The following QDPR variants were observed in gnomAD, a reference collection of about 807,000 sequenced individuals.
The protein encoded by QDPR is dihydropteridine reductase.
In QDPR, 23 loss-of-function variants were observed where a neutral mutation model predicts 31.7. That is an observed-to-expected ratio of 0.73 (90% confidence interval 0.52 to 1.03). QDPR has a LOEUF of 1.03. QDPR is among the 50% of genes least tolerant of loss of function. The pLI is 0.00. For synonymous variants in QDPR, 124 were observed against 124.7 expected, an observed-to-expected ratio of 0.99 and a Z score of 0.03; for missense variants, 324 against 323.8, an observed-to-expected ratio of 1.00 and a Z score of 0.00.
chr4:17,500,567 A>G, intron 4 of QDPR, among the ~76,000 whole-genome samples: 1 of 152,200 alleles, frequency 6.6e-6, no homozygotes, highest in East Asian at 1.9e-4. Context: ...CACAGAGGGA[A>G]GACCACATGC....
intron 3 of QDPR, among the ~76,000 whole-genome samples, chr4:17,502,617 T>A (rs1486198862): frequency 2.0e-5 from 3 of 152,240 alleles, no homozygotes; most frequent in African/African-American, 7.2e-5. Flanking sequence ...TCAAGCTGTT[T>A]TGCTAACCTG....
Position 17,509,309 on chromosome 4 carries a change from C to T in QDPR, c.160G>A (p.Val54Ile). ...TCAGTGAACGAGTCTGTCATTTTAACAATGATGCTAGCGCTGGCCTCTTCA... is the reference window on the plus strand; with the variant it reads ...TCAGTGAACGAGTCTGTCATTTTAATAATGATGCTAGCGCTGGCCTCTTCA... ...ENEEASASII[V>I]KMTDSFTEQA... Residue 54 changes from valine (V) to isoleucine (I), a missense_variant, in exon 2 of 7, where the codon GTT becomes ATT. Val to Ile is a conservative substitution (Grantham distance 29). Coordinates refer to ENST00000281243, the MANE Select transcript of QDPR (RefSeq NM_000320.3). 6.2e-7 allele frequency: 1 copy of T among 1,614,108 alleles called. No individual in the cohort carries two copies. The highest frequency in any genetic ancestry group is 1.1e-5 in the South Asian group (1 of 91,088).
intron 1 of QDPR, among the ~76,000 whole-genome samples, chr4:17,511,149 T>G (rs531404436): frequency 6.6e-6 from 1 of 152,316 alleles, no homozygotes; most frequent in Non-Finnish European, 1.5e-5. Flanking sequence ...GCTGTGCTGC[T>G]GCTGCTAACT....
chr4:17,506,063 C>A (rs991014617), intron 2 of QDPR, among the ~76,000 whole-genome samples: 2 of 152,184 alleles, frequency 1.3e-5, no homozygotes, highest in Non-Finnish European at 2.9e-5. Context: ...GAGACCCGCA[C>A]CTGGCAGGGC....
chr4:17,488,985 T>C (rs1718065959), intron 6 of QDPR, among the ~76,000 whole-genome samples: 1 of 152,210 alleles, frequency 6.6e-6, no homozygotes, highest in Non-Finnish European at 1.5e-5. Context: ...TGGTTACACA[T>C]GTTTTTTTGT....
At chr4:17,488,907 G>A (rs756136460) in intron 6 of QDPR, among the ~76,000 whole-genome samples, 9 of 152,228 alleles carry the variant, frequency 5.9e-5, no homozygotes, top group Non-Finnish European at 1.2e-4. Context: ...CTGGGGACAG[G>A]GTAGGGCTTG....
At chr4:17,509,085 G>T (rs1718900417) in intron 2 of QDPR, among the ~76,000 whole-genome samples, 186 bp downstream of exon 2, 1 of 152,134 alleles carries the variant, frequency 6.6e-6, no homozygotes, top group Non-Finnish European at 1.5e-5. Flanking sequence ...TTCAACCCAG[G>T]AGGCAAAGGT....
At chr4:17,511,051 C>A (rs1286953854) in intron 1 of QDPR, among the ~76,000 whole-genome samples, 1 of 152,100 alleles carries the variant, frequency 6.6e-6, no homozygotes, top group Non-Finnish European at 1.5e-5. Context: ...GTACTTTTGC[C>A]CCCTTCATCT....
intron 6 of QDPR, among the ~76,000 whole-genome samples, chr4:17,489,036 C>T (rs1718067501): frequency 2.6e-5 from 4 of 152,280 alleles, no homozygotes; most frequent in Admixed American, 2.0e-4. Context: ...GCTACATGTG[C>T]ACAGCGTGCA....
rs747311750 is a variant in QDPR, at chr4:17,496,442, CAAAAAAAAA to C, written c.437-4111_437-4103del. Among the ~76,000 whole-genome samples, 321 of 64,614 alleles carry C rather than the reference CAAAAAAAAA, an allele frequency of 5.0e-3. 3 individuals carry two copies. Among genetic ancestry groups the C allele is most frequent in the African/African-American group, 0.017 (301 of 17,768 alleles). 42.4% of individuals were successfully genotyped at this position (64,614 alleles called of 152,430 possible). ...CTGGGCAATAAGGGCAAAACTGTCT[CAAAAAAAAA>C]AAAAAAAAAAAAAAAAAAAAAGAAC... is the stretch of plus-strand genomic sequence containing the variant. On this transcript the variant is annotated intron_variant, in intron 4 of 6. Transcript: ENST00000281243.
chr4:17,496,034 T>A (rs1347017226), intron 4 of QDPR, among the ~76,000 whole-genome samples: 2 of 151,086 alleles, frequency 1.3e-5, no homozygotes, highest in African/African-American at 2.4e-5. Context: ...AATAAATAAA[T>A]AAATAAATAA....
At chr4:17,501,653 G>C in intron 4 of QDPR, 66 bp downstream of exon 4, 3 of 1,587,714 alleles carry the variant, frequency 1.9e-6, no homozygotes, top group Non-Finnish European at 2.6e-6. Flanking sequence ...TCCCATGAAA[G>C]TGCCCAGCAG....
rs762008099 is a variant in QDPR, at chr4:17,512,066, C to T, written c.-12G>A. On this transcript the variant is annotated 5_prime_UTR_variant, in exon 1 of 7. Coordinates refer to ENST00000281243, the MANE Select transcript of QDPR (RefSeq NM_000320.3). ...GCCGCCGCCGCCATCCTGCTCCTGC[C>T]AGCCCGGCTCCCGCAGCTCCGAATG... 8.8e-6 allele frequency: 14 copies of T among 1,581,994 alleles called. No individual in the cohort carries two copies. Among genetic ancestry groups the T allele is most frequent in the Middle Eastern group, 1.8e-4 (1 of 5,626 alleles).
intron 3 of QDPR, 34 bp downstream of exon 3, chr4:17,504,345 G>A (rs761053773): frequency 3.9e-5 from 61 of 1,572,898 alleles, no homozygotes; most frequent in Non-Finnish European, 5.1e-5. Context: ...AAAGAGCAGA[G>A]CAGAACAAAT....
intron 4 of QDPR, among the ~76,000 whole-genome samples, chr4:17,494,614 G>GT (rs1264993838): frequency 2.0e-5 from 3 of 151,870 alleles, no homozygotes; most frequent in Non-Finnish European, 4.4e-5. Flanking sequence ...TCCATTGATT[G>GT]TTTTTTTTCC....
At chr4:17,494,735 C>G (rs1718291363) in intron 4 of QDPR, among the ~76,000 whole-genome samples, 1 of 152,158 alleles carries the variant, frequency 6.6e-6, no homozygotes, top group Admixed American at 6.5e-5. Context: ...TTTCCTCGGA[C>G]AGCAATAAGG....
At chr4:17,489,231 G>A (rs975832915) in intron 6 of QDPR, among the ~76,000 whole-genome samples, 3 of 152,158 alleles carry the variant, frequency 2.0e-5, no homozygotes, top group Non-Finnish European at 2.9e-5. Flanking sequence ...GCTTTTCTGA[G>A]AGTTTTCAAA....
chr4:17,494,305 C>T (rs949742698), intron 4 of QDPR, among the ~76,000 whole-genome samples: 2 of 152,202 alleles, frequency 1.3e-5, no homozygotes, highest in African/African-American at 2.4e-5. Context: ...TTTCCCACAA[C>T]TTGCATGGAA....
chr4:17,494,049 T>C (rs1007282905), intron 4 of QDPR, among the ~76,000 whole-genome samples: 3 of 152,148 alleles, frequency 2.0e-5, no homozygotes, highest in Non-Finnish European at 4.4e-5. Flanking sequence ...CCCGACTACC[T>C]GGCTTCGTGT....
Sources: gnomAD v4.1 joint callset for allele counts (sites outside exome capture counted in the v4.1 genomes callset) on GRCh38, gnomAD v4.1.1 for gene constraint, MANE v1.5 for transcripts, NCBI Gene and HGNC (gene_info 2026-07-23, HGNC 2026-07-21) for gene names.